The following A2ML1 variants were observed in gnomAD, a reference collection of about 807,000 sequenced individuals.
A2ML1 encodes the protein alpha-2-macroglobulin-like protein 1.
In A2ML1, 161 loss-of-function variants were observed where a neutral mutation model predicts 181.9. The observed-to-expected ratio is 0.89, with a 90% CI of 0.78 to 1.01. A2ML1 has a LOEUF of 1.01. A2ML1 is among the 50% of genes least tolerant of loss of function. A2ML1 has a pLI of 0.00. For missense variants in A2ML1, 1,670 were observed against 1,768.1 expected, an observed-to-expected ratio of 0.94 and a Z score of 1.00; for synonymous variants, 663 against 666.8, an observed-to-expected ratio of 0.99 and a Z score of 0.09.
intron 30 of A2ML1, 83 bp from the exon 31 acceptor site, chr12:8,868,147 C>T: frequency 6.2e-7 from 1 of 1,607,794 alleles, no homozygotes; most frequent in South Asian, 1.1e-5. Context: ...CTTTCTTTCT[C>T]ACTTGTAAGA....
At chr12:8,832,570 T>C (rs1488408054) in intron 4 of A2ML1, among the ~76,000 whole-genome samples, 2 of 152,146 alleles carry the variant, frequency 1.3e-5, no homozygotes, top group African/African-American at 4.8e-5. Flanking sequence ...GTCGGTTAGG[T>C]CTGACATCTT....
rs920562334 is a variant in A2ML1 at position 8,845,992 on chromosome 12, C to T, written c.1538-85C>T. ...ACTTGCACCATGGTGCCTGCACTGG[C>T]TCAGTGAAAAGTACATATGGTTAGA... On this transcript the variant is annotated intron_variant, in intron 13 of 35. Transcript: ENST00000299698. 3.6e-5 allele frequency: 54 copies of T among 1,491,984 alleles called. No homozygotes were observed. The Middle Eastern group carries it at 8.9e-4, about 25-fold the overall frequency. 92.4% of individuals were successfully genotyped at this position (1,491,984 alleles called of 1,614,324 possible).
intron 33 of A2ML1, among the ~76,000 whole-genome samples, chr12:8,873,362 C>T (rs954221794): frequency 7.2e-5 from 11 of 151,816 alleles, no homozygotes; most frequent in Admixed American, 4.6e-4. Context: ...ACCTCAGCTT[C>T]CCAAGTAGCT....
chr12:8,868,089 T>C (rs1944483480), intron 30 of A2ML1, 32 bp downstream of exon 30: 2 of 1,611,900 alleles, frequency 1.2e-6, no homozygotes, highest in South Asian at 2.2e-5. Context: ...TGAGCGGACA[T>C]TGGGAAGGAG....
chr12:8,854,005 C>T, intron 20 of A2ML1, 123 bp from the exon 21 acceptor site: 2 of 1,281,178 alleles, frequency 1.6e-6, no homozygotes, highest in Non-Finnish European at 2.1e-6. Flanking sequence ...AGGTCTATGG[C>T]AGCAGAGTTT....
intron 33 of A2ML1, among the ~76,000 whole-genome samples, chr12:8,871,064 C>T (rs1289185006): frequency 6.6e-6 from 1 of 152,178 alleles, no homozygotes; most frequent in African/African-American, 2.4e-5. Flanking sequence ...CCTCTAGGTA[C>T]ATGCCATCCC....
intron 33 of A2ML1, among the ~76,000 whole-genome samples, chr12:8,871,709 A>G (rs973305564): frequency 1.3e-5 from 2 of 152,146 alleles, no homozygotes; most frequent in Non-Finnish European, 2.9e-5. Context: ...ATATGTTATG[A>G]ACATATCTTC....
downstream of A2ML1, chr12:8,876,799 C>T (rs1007918382): frequency 5.9e-5 from 9 of 152,090 alleles, no homozygotes; most frequent in Non-Finnish European, 1.2e-4. Context: ...GCATTTAGTT[C>T]TATGCATATT....
At chr12:8,846,261 G>A (rs1178728731) in intron 14 of A2ML1, 39 bp downstream of exon 14, 4 of 1,611,556 alleles carry the variant, frequency 2.5e-6, no homozygotes, top group Non-Finnish European at 3.4e-6. Flanking sequence ...TAAAAGTTGG[G>A]CATAGAGAAA....
chr12:8,834,581 T>C, intron 4 of A2ML1, 81 bp from the exon 5 acceptor site: 1 of 1,528,954 alleles, frequency 6.5e-7, no homozygotes, highest in Non-Finnish European at 9.0e-7. Context: ...GAAGAATTCT[T>C]TGTGAACTTT....
chr12:8,851,911 A>G lies in A2ML1; in HGVS notation c.2362A>G (p.Lys788Glu). The G allele has an allele frequency of 6.2e-7, 1 of 1,614,140 alleles. No individual in the cohort carries two copies. Among genetic ancestry groups the G allele is most frequent in the Non-Finnish European group, 8.5e-7 (1 of 1,180,022 alleles). ...LSPTVGLTAFKPFFVDLTLPY... is the reference protein window; with the variant it reads ...LSPTVGLTAFEPFFVDLTLPY... ...ACCCACTGTTGGACTAACTGCTTTC[A>G]AGCCGTTCTTTGTTGACCTGACTCT... Residue 788 changes from lysine (K) to glutamate (E), a missense_variant, in exon 19 of 36, where the codon AAG (lysine) becomes GAG (glutamate). Lys to Glu is a moderately conservative substitution (Grantham distance 56). Coordinates refer to ENST00000299698, the MANE Select transcript of A2ML1 (RefSeq NM_144670.6).
intron 4 of A2ML1, among the ~76,000 whole-genome samples, chr12:8,832,979 C>CTTTTTTTTTTT (rs10670476): frequency 7.2e-6 from 1 of 138,684 alleles, no homozygotes; most frequent in Admixed American, 7.5e-5. Context: ...TGCTACTTTC[C>CTTTTTTTTTTT]TTTTTTTTTT....
intron 35 of A2ML1, 192 bp from the exon 36 acceptor site, chr12:8,875,866 A>G (rs906294093): frequency 1.3e-5 from 2 of 152,238 alleles, no homozygotes; most frequent in African/African-American, 4.8e-5. Context: ...CATCTTTGTT[A>G]TATGAAAATA....
In A2ML1 at chr12:8,864,071, G is replaced by A. The variant is rs1944361167; in HGVS notation, c.3717+63G>A. ...GAATTAGATCTTGTGTGGAGATAGA[G>A]GAAAACATATTGTCCTTGCCTTCTC... On this transcript the variant is annotated intron_variant, in intron 29 of 35. Transcript: ENST00000299698. 9.4e-6 allele frequency: 14 copies of A among 1,483,622 alleles called. No homozygotes were observed. The South Asian group carries it at 1.7e-4, about 18-fold the overall frequency. The allele number at this position is 1,483,622 out of a possible 1,614,324, so 91.9% of individuals were successfully genotyped here. A position where few individuals can be genotyped will look rare whatever the true frequency, so the allele number is the denominator to read the frequency against.
intron 14 of A2ML1, among the ~76,000 whole-genome samples, chr12:8,847,098 C>CTTTTTTTTTTTTT (rs1212257948): frequency 9.1e-4 from 85 of 93,232 alleles, no homozygotes; most frequent in African/African-American, 1.1e-3. Flanking sequence ...CCATGCCTGG[C>CTTTTTTTTTTTTT]TTTTTTTTTT....
At chr12:8,863,702 C>G in intron 28 of A2ML1, 92 bp from the exon 29 acceptor site, 2 of 1,279,686 alleles carry the variant, frequency 1.6e-6, no homozygotes, top group Non-Finnish European at 2.2e-6. Flanking sequence ...TCAGTTGGTA[C>G]TTACTCTGCT....
chr12:8,836,630 C>T (rs868082984), intron 7 of A2ML1, among the ~76,000 whole-genome samples: 3 of 151,674 alleles, frequency 2.0e-5, no homozygotes, highest in Non-Finnish European at 4.4e-5. Flanking sequence ...ATCACAGGCG[C>T]GCGCCACCAT....
intron 5 of A2ML1, among the ~76,000 whole-genome samples, chr12:8,835,209 G>A (rs1254280343): frequency 6.6e-6 from 1 of 152,196 alleles, no homozygotes; most frequent in African/African-American, 2.4e-5. Flanking sequence ...CTTTGTAAAT[G>A]ACATCCTGGG....
chr12:8,872,936 A>G (rs1944678022), intron 33 of A2ML1, among the ~76,000 whole-genome samples: 1 of 152,198 alleles, frequency 6.6e-6, no homozygotes, highest in African/African-American at 2.4e-5. Context: ...AAACCGTTGC[A>G]ATATTACACA....
Sources: allele counts gnomAD v4.1 joint callset (sites outside exome capture counted in the v4.1 genomes callset), GRCh38; gene constraint gnomAD v4.1.1; transcripts MANE v1.5; gene names NCBI Gene and HGNC (gene_info 2026-07-23, HGNC 2026-07-21).